Variants in ADGRA1 observed in about 807,000 individuals in gnomAD.
ADGRA1 encodes adhesion G protein-coupled receptor A1, also known as G-protein coupled receptor 123.
Under a neutral mutation model 21.3 loss-of-function variants are expected in ADGRA1, and 12 were observed. That is an observed-to-expected ratio of 0.56 (90% CI 0.36 to 0.91). ADGRA1 has a LOEUF of 0.91. ADGRA1 is among the 40% of genes least tolerant of loss of function. ADGRA1 has a pLI of 0.01. For synonymous variants in ADGRA1, 385 were observed against 368.8 expected (o/e 1.04, Z -0.50); for missense variants, 790 against 805.6 (o/e 0.98, Z 0.23).
chr10:133,098,491 TCCCCTGACCGGGTCCTCGGACAGCTG>T, intron 3 of ADGRA1, 123 bp from the exon 4 acceptor site: 1 of 892,090 alleles, frequency 1.1e-6, no homozygotes, highest in Non-Finnish European at 1.6e-6. Flanking sequence ...CCATCTGCTC[TCCCCTGACCGGGTCCTCGGACAGCTG>T]CCCCTGACCC....
intron 3 of ADGRA1, 126 bp downstream of exon 3, chr10:133,097,227 C>A: frequency 8.5e-7 from 1 of 1,176,032 alleles, no homozygotes; most frequent in African/African-American, 1.5e-5. Flanking sequence ...AGGTACAACT[C>A]AGGTCACCAG....
At chr10:133,097,862 C>T (rs911173656) in intron 3 of ADGRA1, among the ~76,000 whole-genome samples, 5 of 152,196 alleles carry the variant, frequency 3.3e-5, no homozygotes, top group Admixed American at 2.6e-4. Context: ...TGTGTCCCTG[C>T]CTGTGTCCCT....
chr10:133,093,091 A>T (rs755893269), intron 2 of ADGRA1: 1 of 1,597,362 alleles, frequency 6.3e-7, no homozygotes, highest in Non-Finnish European at 8.5e-7. Flanking sequence ...TTGGAGCTGC[A>T]GACCTAGCCC....
chr10:133,088,162 G>A (rs1311717217), intron 1 of ADGRA1, 24 bp downstream of exon 1: 1 of 959,876 alleles, frequency 1.0e-6, no homozygotes, highest in East Asian at 1.2e-4. Context: ...GCGGGTCTGG[G>A]CGGCGGGAGG....
chr10:133,117,137 G>A (rs926555141), intron 5 of ADGRA1, among the ~76,000 whole-genome samples: 2 of 152,078 alleles, frequency 1.3e-5, no homozygotes, highest in Non-Finnish European at 2.9e-5. Flanking sequence ...AGAGCACCCC[G>A]AGTGAGGGGT....
At chr10:133,117,715 A>C (rs543516165) in intron 5 of ADGRA1, among the ~76,000 whole-genome samples, 2 of 152,260 alleles carry the variant, frequency 1.3e-5, no homozygotes, top group Non-Finnish European at 2.9e-5. Context: ...TGGGTTCTGC[A>C]CACGTGACCT....
intron 2 of ADGRA1, among the ~76,000 whole-genome samples, chr10:133,092,299 G>A (rs781355493): frequency 1.3e-5 from 2 of 152,214 alleles, no homozygotes; most frequent in Non-Finnish European, 1.5e-5. Flanking sequence ...TCATCTCACA[G>A]ATGGAGAGTT....
At chr10:133,118,831 G>A (rs936244677) in intron 5 of ADGRA1, among the ~76,000 whole-genome samples, 1 of 152,100 alleles carries the variant, frequency 6.6e-6, no homozygotes, top group Non-Finnish European at 1.5e-5. Context: ...GTCTGGAACT[G>A]AACCTGTACC....
intron 3 of ADGRA1, among the ~76,000 whole-genome samples, chr10:133,098,217 C>T (rs999182873): frequency 2.0e-5 from 3 of 152,162 alleles, no homozygotes; most frequent in Admixed American, 2.0e-4. Flanking sequence ...TAGCCGGGGT[C>T]ACGCTGAGCC....
At chr10:133,121,813 G>C (rs9419013) in intron 5 of ADGRA1, among the ~76,000 whole-genome samples, 28,400 of 148,176 alleles carry the variant, frequency 0.19, 3,372 homozygotes, top group East Asian at 0.54. Context: ...GAGTGTGCTT[G>C]TGTGTGTGCA....
intron 5 of ADGRA1, among the ~76,000 whole-genome samples, chr10:133,115,328 C>T (rs547487736): frequency 1.8e-4 from 27 of 152,308 alleles, no homozygotes; most frequent in African/African-American, 4.8e-4. Context: ...CTCTGCCCAG[C>T]GGTCAGCAGC....
At chr10:133,093,138 C>G (rs1851631781) in intron 2 of ADGRA1, 1 of 1,595,986 alleles carries the variant, frequency 6.3e-7, no homozygotes, top group South Asian at 1.1e-5. Flanking sequence ...GGTTCCTCAG[C>G]CAGTCGGAGC....
intron 3 of ADGRA1, among the ~76,000 whole-genome samples, chr10:133,097,631 A>T (rs959032397): frequency 2.6e-5 from 4 of 152,188 alleles, no homozygotes; most frequent in Non-Finnish European, 5.9e-5. Flanking sequence ...TCGGGCACAC[A>T]CGAGGCTGTG....
chr10:133,095,814 C>T, intron 2 of ADGRA1: 2 of 1,589,324 alleles, frequency 1.3e-6, no homozygotes, highest in East Asian at 2.2e-5. Context: ...CCTTCCTGCA[C>T]AGGAGGGTCC....
intron 5 of ADGRA1, among the ~76,000 whole-genome samples, chr10:133,105,204 G>A (rs1851870994): frequency 6.6e-6 from 1 of 152,194 alleles, no homozygotes; most frequent in Admixed American, 6.5e-5. Flanking sequence ...ACCCTCTCTG[G>A]CCGTTCCCAT....
At chr10:133,116,801 GGTCAGTTCCGA>G (rs1158212982) in intron 5 of ADGRA1, among the ~76,000 whole-genome samples, 1 of 152,078 alleles carries the variant, frequency 6.6e-6, no homozygotes, top group Non-Finnish European at 1.5e-5. Context: ...CCCCAGCTCT[GGTCAGTTCCGA>G]GTCAGGCAAG....
At chr10:133,096,056 T>C (rs1443482659) in intron 2 of ADGRA1, among the ~76,000 whole-genome samples, 1 of 152,234 alleles carries the variant, frequency 6.6e-6, no homozygotes, top group Non-Finnish European at 1.5e-5. Flanking sequence ...CCTGCTCGCC[T>C]GCCTGAGGTT....
At chr10:133,121,778 G>C (rs527777685) in intron 5 of ADGRA1, among the ~76,000 whole-genome samples, 1 of 147,806 alleles carries the variant, frequency 6.8e-6, no homozygotes, top group Admixed American at 6.7e-5. Flanking sequence ...GTGTGAGTGT[G>C]CGTGTCGTGT....
At chr10:133,101,056 C>T (rs551602531) in intron 4 of ADGRA1, among the ~76,000 whole-genome samples, 3 of 152,242 alleles carry the variant, frequency 2.0e-5, no homozygotes, top group Non-Finnish European at 2.9e-5. Context: ...ACGCTGAGGC[C>T]AGGCCAGTTC....
Sources: gnomAD v4.1 joint callset for allele counts (sites outside exome capture counted in the v4.1 genomes callset) on GRCh38, gnomAD v4.1.1 for gene constraint, MANE v1.5 for transcripts, NCBI Gene and HGNC (gene_info 2026-07-23, HGNC 2026-07-21) for gene names.